Variants in RASEF observed in about 807,000 individuals in gnomAD.
The protein encoded by RASEF is ras and EF-hand domain-containing protein.
A neutral mutation model predicts 90.1 loss-of-function variants in RASEF; 68 were observed. The ratio of observed to expected loss-of-function variants is 0.75; its 90% CI spans 0.62 to 0.92. The LOEUF (loss-of-function observed/expected upper bound fraction) is 0.92, where lower values mean the gene tolerates loss of function less well. Among genes scored for constraint, RASEF ranks in the 40% least tolerant of loss-of-function variants. RASEF has a pLI of 0.00. For missense variants in RASEF, 949 were observed against 937.2 expected, an observed-to-expected ratio of 1.01 and a Z score of -0.16; for synonymous variants, 331 against 345.2, an observed-to-expected ratio of 0.96 and a Z score of 0.46.
At position 83,025,833 on chromosome 9, in the gene RASEF, T is replaced by C. The variant is rs548771970; in HGVS notation, c.520A>G (p.Ile174Val). The change falls in exon 2 of 17, where the codon ATC (isoleucine) becomes GTC (valine). Residue 174 changes from isoleucine to valine, a missense_variant. Coordinates refer to ENST00000376447, the MANE Select transcript of RASEF (RefSeq NM_152573.4). ...QPYEHVIKNF[I>V]REIRLQSTEM... is the part of the protein sequence containing the mutation. ...GTGCTTTGAAGTCTGATCTCACGGA[T>C]GAAGTTCTTTATAACATGTTCATAT... 3.1e-6 allele frequency: 5 copies of C among 1,614,118 alleles called. No homozygotes were observed. In the East Asian group the frequency reaches 1.1e-4, roughly 36 times the overall value.
At chr9:83,147,881 G>A in the RASEF span, among the ~76,000 whole-genome samples, 1,578 of 152,078 alleles carry the variant, frequency 0.01, 29 homozygotes, top group African/African-American at 0.036. Context: ...TCCCGCTGCC[G>A]AACTCCTCTC....
At chr9:83,160,200 G>A in the RASEF span, among the ~76,000 whole-genome samples, 1 of 152,184 alleles carries the variant, frequency 6.6e-6, no homozygotes, top group African/African-American at 2.4e-5. Flanking sequence ...GTAAGAGGCT[G>A]AGGTTGGAAC....
At chr9:83,108,681 C>A in the RASEF span, among the ~76,000 whole-genome samples, 7 of 152,192 alleles carry the variant, frequency 4.6e-5, no homozygotes, top group Non-Finnish European at 8.8e-5. Flanking sequence ...CTTCTGTTCA[C>A]AGTTTTTGTC....
At chr9:83,022,459 A>G (rs1277195440) in intron 2 of RASEF, 33 bp from the exon 3 acceptor site, 9 of 1,472,594 alleles carry the variant, frequency 6.1e-6, no homozygotes, top group Non-Finnish European at 8.6e-6. Flanking sequence ...CCTTTTCATT[A>G]TACTCTTGAA....
chr9:83,119,327 C>T, the RASEF span, among the ~76,000 whole-genome samples: 1 of 151,960 alleles, frequency 6.6e-6, no homozygotes, highest in Non-Finnish European at 1.5e-5. Flanking sequence ...CCCAAGAAAG[C>T]TCAATTTTAA....
the RASEF span, among the ~76,000 whole-genome samples, chr9:83,215,696 G>A: frequency 6.6e-6 from 1 of 152,214 alleles, no homozygotes. Flanking sequence ...GGGTGCTGCT[G>A]CAAAGGTACC....
At position 83,001,146 on chromosome 9, in the gene RASEF, A is replaced by C; in HGVS notation, c.1203-16T>G. ...GCGGGATGACCTGGTAATAAAGGGG[A>C]AGACCAATTTACCTGAGGGCTGGAA... On this transcript the variant is annotated splice_polypyrimidine_tract_variant and intron_variant, in intron 9 of 16. Transcript: ENST00000376447. 6.3e-7 allele frequency: 1 copy of C among 1,583,582 alleles called. No individual in the cohort carries two copies. The highest frequency in any genetic ancestry group is 8.7e-7 in the Non-Finnish European group (1 of 1,153,384).
At chr9:82,990,757 T>A (rs1460228562) in intron 15 of RASEF, among the ~76,000 whole-genome samples, 1 of 152,222 alleles carries the variant, frequency 6.6e-6, no homozygotes, top group Admixed American at 6.5e-5. Context: ...TACCAAATGT[T>A]CTTTATCAAA....
At chr9:83,040,447 C>T (rs61730459) in intron 1 of RASEF, among the ~76,000 whole-genome samples, 6,568 of 152,130 alleles carry the variant, frequency 0.043, 431 homozygotes, top group African/African-American at 0.15. Context: ...ACAAAGACAA[C>T]ATATTGCATA....
chr9:83,062,807 C>T lies in RASEF; in HGVS notation c.61G>A (p.Asp21Asn), dbSNP rs753491627. Reference sequence around the variant, plus strand: ...TCCAGGCGCCCCGAGCGGTTCGCGTCGCAGGCGGCGAAGACTGAGCGCAGC... The same window carrying T: ...TCCAGGCGCCCCGAGCGGTTCGCGTTGCAGGCGGCGAAGACTGAGCGCAGC... ...ARLRSVFAAC[D>N]ANRSGRLERE... is the part of the protein sequence containing the mutation. The change falls in exon 1 of 17, where the codon GAC (aspartate) becomes AAC (asparagine). Residue 21 changes from aspartate (D) to asparagine (N), a missense_variant. Coordinates refer to ENST00000376447, the MANE Select transcript of RASEF (RefSeq NM_152573.4). The T allele has an allele frequency of 6.8e-5, 106 of 1,556,798 alleles. No homozygotes were observed. Among genetic ancestry groups the T allele is most frequent in the Middle Eastern group, 6.5e-4 (3 of 4,640 alleles).
the RASEF span, among the ~76,000 whole-genome samples, chr9:83,188,312 A>G: frequency 6.6e-6 from 1 of 152,228 alleles, no homozygotes; most frequent in Non-Finnish European, 1.5e-5. Flanking sequence ...TTCTTTAGAC[A>G]AAAGAAAAAT....
At chr9:83,128,025 CTTT>C in the RASEF span, among the ~76,000 whole-genome samples, 4 of 134,708 alleles carry the variant, frequency 3.0e-5, no homozygotes, top group Non-Finnish European at 4.7e-5. Flanking sequence ...TTTTTCTTTT[CTTT>C]TTTTTTTTTT....
At chr9:82,993,826 T>C (rs999866419) in intron 14 of RASEF, among the ~76,000 whole-genome samples, 5 of 152,176 alleles carry the variant, frequency 3.3e-5, no homozygotes, top group African/African-American at 1.2e-4. Flanking sequence ...CTGGACCCAC[T>C]GGCTGTGTGA....
chr9:82,981,537 A>C lies in RASEF; in HGVS notation c.*1140T>G, dbSNP rs1055630857. On this transcript the variant is annotated 3_prime_UTR_variant, in exon 17 of 17. Transcript: ENST00000376447. ...CTTCTAAACCATGGGAAGGTTTGAA[A>C]TCAGCAGGGATACGAAAATGAAAAT... is the stretch of plus-strand genomic sequence containing the variant. 1.1e-4 allele frequency: 16 copies of C among 152,258 alleles called. No individual in the cohort carries two copies. Among genetic ancestry groups the C allele is most frequent in the African/African-American group, 3.9e-4 (16 of 41,466 alleles). The allele number at this position is 152,258 out of a possible 1,614,324, so 9.4% of individuals were successfully genotyped here. A position where few individuals can be genotyped will look rare whatever the true frequency, so the allele number is the denominator to read the frequency against.
the RASEF span, among the ~76,000 whole-genome samples, chr9:83,213,705 A>G: frequency 6.6e-6 from 1 of 152,198 alleles, no homozygotes; most frequent in African/African-American, 2.4e-5. Flanking sequence ...CCCCAGCCTC[A>G]GGACTTTGTT....
chr9:83,107,787 C>A, the RASEF span, among the ~76,000 whole-genome samples: 109 of 152,224 alleles, frequency 7.2e-4, no homozygotes, highest in African/African-American at 2.5e-3. Flanking sequence ...AATATTCCTG[C>A]CTCTTCTTGT....
intron 3 of RASEF, among the ~76,000 whole-genome samples, chr9:83,017,540 A>G (rs929577884): frequency 2.0e-5 from 3 of 152,078 alleles, no homozygotes; most frequent in East Asian, 3.9e-4. Flanking sequence ...TCAATAAAGG[A>G]AATGATCACT....
the RASEF span, among the ~76,000 whole-genome samples, chr9:83,207,331 AT>A: frequency 2.0e-5 from 3 of 152,120 alleles, no homozygotes; most frequent in Non-Finnish European, 4.4e-5. Flanking sequence ...CTCTCGAGTT[AT>A]TTCCTTGGGT....
At chr9:83,106,754 A>G in the RASEF span, among the ~76,000 whole-genome samples, 1 of 138,216 alleles carries the variant, frequency 7.2e-6, no homozygotes, top group Non-Finnish European at 1.5e-5. Flanking sequence ...ATTTTATTAA[A>G]TATTCCCATT....
Sources: allele counts gnomAD v4.1 joint callset (sites outside exome capture counted in the v4.1 genomes callset), GRCh38; gene constraint gnomAD v4.1.1; transcripts MANE v1.5; gene names NCBI Gene and HGNC (gene_info 2026-07-23, HGNC 2026-07-21).